Variants in ATP11A observed in about 807,000 individuals in gnomAD.
The protein encoded by ATP11A is phospholipid-transporting ATPase IH.
A neutral mutation model predicts 154.4 loss-of-function variants in ATP11A; 81 were observed. The ratio of observed to expected loss-of-function variants is 0.52; its 90% CI spans 0.44 to 0.63. The LOEUF is 0.63. ATP11A is among the 30% of genes least tolerant of loss of function. ATP11A has a pLI of 0.00. For synonymous variants in ATP11A, 623 were observed against 585.9 expected (o/e 1.06, Z -0.91); for missense variants, 1,316 against 1,474.3 (o/e 0.89, Z 1.76).
Position 112,826,789 on chromosome 13 carries a change from C to T in ATP11A, c.1119C>T (p.Phe373=), listed in dbSNP as rs1206242222. The T allele has an allele frequency of 9.9e-6, 16 of 1,614,050 alleles. No individual in the cohort carries two copies. Among genetic ancestry groups the T allele is most frequent in the Non-Finnish European group, 1.2e-5 (14 of 1,180,052 alleles). ...SMYVTVEMQK[F]LGSYFITWDE... is the part of the protein sequence containing the mutation. ...ACGTCACGGTCGAGATGCAGAAGTTCCTCGGCTCTTACTTCATCACCTGGG... is the reference window on the plus strand; with the variant it reads ...ACGTCACGGTCGAGATGCAGAAGTTTCTCGGCTCTTACTTCATCACCTGGG... Residue 373 remains phenylalanine, a synonymous_variant, in exon 12 of 30, where the codon TTC becomes TTT. Transcript: ENST00000375645.
At chr13:112,841,573 G>A (rs1464589109) in intron 16 of ATP11A, among the ~76,000 whole-genome samples, 1 of 151,248 alleles carries the variant, frequency 6.6e-6, no homozygotes, top group South Asian at 2.1e-4. Flanking sequence ...GGGAGCACCT[G>A]CGCCCAGGCA....
intron 3 of ATP11A, 137 bp from the exon 4 acceptor site, chr13:112,806,076 G>A (rs1262007121): frequency 1.6e-6 from 1 of 611,880 alleles, no homozygotes; most frequent in Middle Eastern, 4.0e-4. Context: ...TATCTCCCGT[G>A]GTGGGCAGTC....
intron 1 of ATP11A, among the ~76,000 whole-genome samples, chr13:112,705,983 G>A (rs962340850): frequency 6.6e-6 from 1 of 152,134 alleles, no homozygotes; most frequent in Non-Finnish European, 1.5e-5. Context: ...TCACCGCCAG[G>A]TACTTCCAGA....
intron 16 of ATP11A, among the ~76,000 whole-genome samples, chr13:112,840,969 G>A (rs550461444): frequency 1.3e-5 from 2 of 152,330 alleles, no homozygotes; most frequent in Admixed American, 1.3e-4. Context: ...GGGGTCTCAG[G>A]GCTCTGCCCC....
intron 1 of ATP11A, among the ~76,000 whole-genome samples, chr13:112,776,884 C>T (rs1410783531): frequency 6.7e-6 from 1 of 148,450 alleles, no homozygotes; most frequent in East Asian, 2.0e-4. Context: ...GGCTTGAGCC[C>T]CCGCGACCAG....
chr13:112,736,607 G>A (rs977240096), intron 1 of ATP11A, among the ~76,000 whole-genome samples: 21 of 152,308 alleles, frequency 1.4e-4, no homozygotes, highest in African/African-American at 5.1e-4. Context: ...ATTAAAATGT[G>A]TGTTGTTTCC....
At chr13:112,729,900 C>G (rs1890311124) in intron 1 of ATP11A, among the ~76,000 whole-genome samples, 1 of 152,214 alleles carries the variant, frequency 6.6e-6, no homozygotes, top group East Asian at 1.9e-4. Flanking sequence ...TTAAATGGCT[C>G]CTGACAATGG....
intron 20 of ATP11A, 62 bp downstream of exon 20, chr13:112,856,147 G>A (rs952871470): frequency 6.2e-5 from 93 of 1,510,534 alleles, no homozygotes; most frequent in Non-Finnish European, 7.5e-5. Flanking sequence ...AAAACCTTCC[G>A]TTAGGTCTCA....
At chr13:112,800,138 A>G (rs957457262) in intron 2 of ATP11A, among the ~76,000 whole-genome samples, 19 of 152,278 alleles carry the variant, frequency 1.2e-4, no homozygotes, top group African/African-American at 4.1e-4. Context: ...AAAATTAATA[A>G]TCAACATTAG....
intron 1 of ATP11A, among the ~76,000 whole-genome samples, chr13:112,765,129 A>T (rs1183057755): frequency 1.3e-5 from 2 of 151,104 alleles, no homozygotes; most frequent in South Asian, 4.2e-4. Flanking sequence ...AAGTGCGTTG[A>T]CAGTGGCTGG....
chr13:112,736,832 A>T lies in ATP11A; in HGVS notation c.39+46377A>T, dbSNP rs1891048175. ...AAACTTTTGTGCTTCAAAGGACGCC[A>T]TTATGAAATTGAAAAGAAAATCCAC... On this transcript the variant is annotated intron_variant, in intron 1 of 29. Transcript: ENST00000375645. Among the ~76,000 whole-genome samples, 5 of 152,348 alleles carry T rather than the reference A, an allele frequency of 3.3e-5. No homozygotes were observed. In the South Asian group the frequency reaches 1.0e-3, roughly 32 times the overall value.
chr13:112,731,807 C>G (rs1203665916), intron 1 of ATP11A, among the ~76,000 whole-genome samples: 2 of 152,020 alleles, frequency 1.3e-5, no homozygotes, highest in Non-Finnish European at 2.9e-5. Context: ...TCCCATCTTG[C>G]CCTACAAGCC....
chr13:112,756,802 C>T (rs2076846757), intron 1 of ATP11A, among the ~76,000 whole-genome samples: 1 of 151,910 alleles, frequency 6.6e-6, no homozygotes, highest in African/African-American at 2.4e-5. Flanking sequence ...CAGCCGGGGC[C>T]TGCTCCCAGC....
chr13:112,880,741 A>G (rs1378924300), intron 29 of ATP11A: 6 of 1,172,838 alleles, frequency 5.1e-6, no homozygotes, highest in Non-Finnish European at 4.3e-6. Context: ...TGTCTTTGAT[A>G]ACAAAGGTTC....
At chr13:112,860,460 A>G in intron 24 of ATP11A, 46 bp downstream of exon 24, 1 of 1,608,158 alleles carries the variant, frequency 6.2e-7, no homozygotes, top group Non-Finnish European at 8.5e-7. Context: ...GAGAGTAACT[A>G]GGCAGCACTC....
chr13:112,845,169 C>T (rs1301689325), intron 17 of ATP11A, among the ~76,000 whole-genome samples: 4 of 151,106 alleles, frequency 2.6e-5, no homozygotes, highest in South Asian at 2.1e-4. Flanking sequence ...AGTTGCCAGG[C>T]GCTAGCAGTA....
intron 1 of ATP11A, among the ~76,000 whole-genome samples, chr13:112,762,850 T>C (rs2076993881): frequency 6.6e-6 from 1 of 152,186 alleles, no homozygotes; most frequent in African/African-American, 2.4e-5. Context: ...GGGCACTCAG[T>C]CACGTGTGTG....
chr13:112,740,630 G>A (rs1447730758), intron 1 of ATP11A, among the ~76,000 whole-genome samples: 1 of 152,200 alleles, frequency 6.6e-6, no homozygotes, highest in African/African-American at 2.4e-5. Flanking sequence ...GACCTGCACG[G>A]AGAAGAGAGG....
intron 1 of ATP11A, among the ~76,000 whole-genome samples, chr13:112,698,823 G>A (rs1886182406): frequency 6.6e-6 from 1 of 152,176 alleles, no homozygotes; most frequent in Non-Finnish European, 1.5e-5. Flanking sequence ...TTGGGTTCAA[G>A]TGATTCTCAT....
Sources: allele counts gnomAD v4.1 joint callset (sites outside exome capture counted in the v4.1 genomes callset), GRCh38; gene constraint gnomAD v4.1.1; transcripts MANE v1.5; gene names NCBI Gene and HGNC (gene_info 2026-07-23, HGNC 2026-07-21).